SLC38A8: variants seen among roughly 807,000 people sequenced by gnomAD.
SLC38A8 encodes the protein amino acid transporter SLC38A8.
In SLC38A8, 65 loss-of-function variants were observed where a neutral mutation model predicts 46.0. The ratio of observed to expected loss-of-function variants is 1.41; its 90% CI spans 1.16 to 1.74. The LOEUF (loss-of-function observed/expected upper bound fraction) is 1.74. Ranked by LOEUF, SLC38A8 falls within the 40% of genes most tolerant of loss-of-function variation. The pLI, the probability that SLC38A8 is intolerant of heterozygous loss-of-function variation, is 0.00. For synonymous variants in SLC38A8, 447 were observed against 243.7 expected (o/e 1.83, Z -7.77); for missense variants, 998 against 567.9 (o/e 1.76, Z -7.70).
At chr16:84,029,325 T>C (rs1402818898) in intron 6 of SLC38A8, among the ~76,000 whole-genome samples, 169 bp downstream of exon 6, 2 of 152,128 alleles carry the variant, frequency 1.3e-5, no homozygotes, top group Non-Finnish European at 2.9e-5. Context: ...ATCCTCATGG[T>C]CTGGAATGAC....
intron 1 of SLC38A8, 59 bp downstream of exon 1, chr16:84,042,492 A>C: frequency 3.8e-5 from 7 of 183,634 alleles, no homozygotes; most frequent in South Asian, 1.6e-4. Flanking sequence ...ATTCCCATCC[A>C]CTCCCTTTGC....
intron 7 of SLC38A8, among the ~76,000 whole-genome samples, chr16:84,018,494 C>T (rs929955463): frequency 1.3e-5 from 2 of 152,092 alleles, no homozygotes; most frequent in Non-Finnish European, 2.9e-5. Flanking sequence ...GCTGGGATTA[C>T]AGGCATGAGC....
intron 2 of SLC38A8, among the ~76,000 whole-genome samples, chr16:84,037,729 C>G (rs1382766660): frequency 6.6e-6 from 1 of 150,658 alleles, no homozygotes; most frequent in South Asian, 2.1e-4. Context: ...CCTCTGTACT[C>G]CAGCCTGGGG....
intron 9 of SLC38A8, among the ~76,000 whole-genome samples, chr16:84,015,035 G>C (rs540614929): frequency 6.6e-6 from 1 of 152,296 alleles, no homozygotes; most frequent in African/African-American, 2.4e-5. Context: ...CTTCTTGTCT[G>C]TTTGACATAA....
chr16:84,022,026 G>C (rs1438879151), intron 7 of SLC38A8, among the ~76,000 whole-genome samples: 1 of 152,182 alleles, frequency 6.6e-6, no homozygotes, highest in African/African-American at 2.4e-5. Flanking sequence ...CCATTCTTGA[G>C]GGCAGAGGCC....
intron 6 of SLC38A8, among the ~76,000 whole-genome samples, chr16:84,027,311 C>G (rs2085175776): frequency 6.6e-6 from 1 of 151,408 alleles, no homozygotes; most frequent in Non-Finnish European, 1.5e-5. Flanking sequence ...GATCACACCA[C>G]TGCACTCCAG....
chr16:84,029,429 G>T, intron 6 of SLC38A8, 65 bp downstream of exon 6: 1 of 1,566,116 alleles, frequency 6.4e-7, no homozygotes, highest in Non-Finnish European at 8.8e-7. Context: ...GGTTTCCCAA[G>T]GGAGCAGAGA....
intron 7 of SLC38A8, 133 bp from the exon 8 acceptor site, chr16:84,017,420 G>A (rs1278140547): frequency 3.7e-6 from 4 of 1,073,088 alleles, no homozygotes; most frequent in Non-Finnish European, 5.3e-6. Context: ...TTCTGGAAGG[G>A]ATAGCCCAAA....
chr16:84,033,053 G>A (rs2085263341), intron 4 of SLC38A8, among the ~76,000 whole-genome samples: 4 of 151,892 alleles, frequency 2.6e-5, no homozygotes, highest in Admixed American at 1.3e-4. Context: ...TGTGTGTTGT[G>A]GGGAGGCGTC....
At position 84,029,542 on chromosome 16, in the gene SLC38A8, G is replaced by C; in HGVS notation, c.642C>G (p.Ser214=). The change falls in exon 6 of 11, where the codon TCC becomes TCG. Residue 214 remains serine, a synonymous_variant. Coordinates refer to ENST00000299709, the MANE Select transcript of SLC38A8 (RefSeq NM_001080442.3). ...GGAAGACACTGAACACAGAGGTCCA[G>C]GAGGCAGGGCTGTAAACAGACAAGA... is the stretch of plus-strand genomic sequence containing the variant. ...RESHPSLSPA[S]WTSVFSVFPT... 6.2e-7 allele frequency: 1 copy of C among 1,614,166 alleles called. No homozygotes were observed. The highest frequency in any genetic ancestry group is 8.5e-7 in the Non-Finnish European group (1 of 1,180,022).
chr16:84,038,760 T>A (rs2085331573), intron 2 of SLC38A8, among the ~76,000 whole-genome samples: 1 of 152,188 alleles, frequency 6.6e-6, no homozygotes, highest in Admixed American at 6.5e-5. Context: ...ACCGGTCTAG[T>A]ATTTTCCACC....
At chr16:84,021,626 T>C (rs992175657) in intron 7 of SLC38A8, among the ~76,000 whole-genome samples, 1 of 152,198 alleles carries the variant, frequency 6.6e-6, no homozygotes, top group African/African-American at 2.4e-5. Context: ...AGCCTGCTCC[T>C]CCGAATTCTT....
At chr16:84,027,420 G>T in intron 6 of SLC38A8, among the ~76,000 whole-genome samples, 1 of 152,176 alleles carries the variant, frequency 6.6e-6, no homozygotes, top group Admixed American at 6.5e-5. Context: ...AGCCGCATTG[G>T]CTGGGAGTGG....
chr16:84,031,444 G>C (rs957656806), intron 5 of SLC38A8, among the ~76,000 whole-genome samples: 1 of 152,196 alleles, frequency 6.6e-6, no homozygotes, highest in East Asian at 1.9e-4. Context: ...TCCTCGCCGT[G>C]GCTCTGAATC....
At position 84,022,285 on chromosome 16, in the gene SLC38A8, T is replaced by A. The variant is rs559895343; in HGVS notation, c.805+490A>T. Among the ~76,000 whole-genome samples, 6 of 152,304 alleles carry A rather than the reference T, an allele frequency of 3.9e-5. No homozygotes were observed. In the East Asian group the frequency reaches 1.2e-3, roughly 29 times the overall value. On this transcript the variant is annotated intron_variant, in intron 7 of 10. Transcript: ENST00000299709. ...CAGGGACCTGGGACTGTCCTTCCAA[T>A]GCACTGTACGATCCTGCGTGTCACA...
intron 9 of SLC38A8, among the ~76,000 whole-genome samples, chr16:84,013,551 C>T (rs2084983984): frequency 6.6e-6 from 1 of 151,150 alleles, no homozygotes; most frequent in African/African-American, 2.4e-5. Flanking sequence ...GTGCCTCAGC[C>T]TCCCGAGTAG....
intron 7 of SLC38A8, 92 bp from the exon 8 acceptor site, chr16:84,017,379 C>T (rs2085043264): frequency 4.1e-6 from 6 of 1,466,920 alleles, no homozygotes; most frequent in Non-Finnish European, 5.6e-6. Context: ...GGCTTTACCA[C>T]CTAAGATTTT....
At chr16:84,030,975 T>G (rs1212142274) in intron 5 of SLC38A8, among the ~76,000 whole-genome samples, 3 of 152,196 alleles carry the variant, frequency 2.0e-5, no homozygotes, top group African/African-American at 7.2e-5. Flanking sequence ...GCCTCCCACT[T>G]GGTCTCTGTT....
intron 7 of SLC38A8, among the ~76,000 whole-genome samples, chr16:84,018,655 T>C (rs909854032): frequency 6.6e-6 from 1 of 152,148 alleles, no homozygotes; most frequent in African/African-American, 2.4e-5. Flanking sequence ...GAAACTAAAA[T>C]CAACACCAGA....
Sources: allele counts gnomAD v4.1 joint callset (sites outside exome capture counted in the v4.1 genomes callset), GRCh38; gene constraint gnomAD v4.1.1; transcripts MANE v1.5; gene names NCBI Gene and HGNC (gene_info 2026-07-23, HGNC 2026-07-21).